Variants in OPRM1 observed in about 807,000 individuals in gnomAD.
OPRM1 encodes mu-type opioid receptor.
A neutral mutation model predicts 31.8 loss-of-function variants in OPRM1; 27 were observed. The ratio of observed to expected loss-of-function variants is 0.85; its 90% CI spans 0.63 to 1.17. OPRM1 has a LOEUF of 1.17. Among genes scored for constraint, OPRM1 ranks in the 50% most tolerant of loss-of-function variants. OPRM1 has a pLI of 0.00. For synonymous variants in OPRM1, 196 were observed against 189.9 expected, an observed-to-expected ratio of 1.03 and a Z score of -0.26; for missense variants, 536 against 511.1, an observed-to-expected ratio of 1.05 and a Z score of -0.47.
intron 3 of OPRM1, among the ~76,000 whole-genome samples, chr6:154,117,658 T>C (rs1175694309): frequency 1.3e-5 from 2 of 152,192 alleles, no homozygotes; most frequent in Non-Finnish European, 2.9e-5. Context: ...TAATTGCCTG[T>C]GTGACCAGCT....
intron 1 of OPRM1, among the ~76,000 whole-genome samples, chr6:154,018,437 CAAAAA>C (rs1407095482): frequency 6.7e-6 from 1 of 149,182 alleles, no homozygotes; most frequent in Non-Finnish European, 1.5e-5. Flanking sequence ...AACAAACAAA[CAAAAA>C]GAAGAAAATA....
chr6:154,141,509 T>A (rs1798209317), intron 3 of OPRM1, among the ~76,000 whole-genome samples: 1 of 152,200 alleles, frequency 6.6e-6, no homozygotes, highest in Non-Finnish European at 1.5e-5. Flanking sequence ...AGTTAATGTA[T>A]CAAGTTTATC....
chr6:154,073,757 C>A (rs1787276140), intron 1 of OPRM1: 1 of 152,406 alleles, frequency 6.6e-6, no homozygotes, highest in Admixed American at 6.5e-5. Context: ...AATCCCAGCA[C>A]TTTGGGAGGC....
At chr6:154,073,547 T>C (rs188225985) in intron 1 of OPRM1, 44 of 152,376 alleles carry the variant, frequency 2.9e-4, no homozygotes, top group African/African-American at 1.0e-3. Flanking sequence ...GTGAACAGTC[T>C]ACCAGGGAAT....
At chr6:154,038,258 G>A (rs1437238789), upstream of OPRM1, among the ~76,000 whole-genome samples, 1 of 151,946 alleles carries the variant, frequency 6.6e-6, no homozygotes, top group East Asian at 1.9e-4. Flanking sequence ...ATGGTTAAAA[G>A]ATATGTACAT....
intron 3 of OPRM1, among the ~76,000 whole-genome samples, chr6:154,095,682 A>G (rs1162499160): frequency 5.3e-5 from 8 of 152,278 alleles, no homozygotes; most frequent in Middle Eastern, 3.4e-3. Context: ...GTATGAAAAA[A>G]CAAAAAAGAT....
chr6:154,090,940 C>T lies in OPRM1; in HGVS notation c.644-12C>T, dbSNP rs895664882. 12 of 1,596,758 alleles carry T rather than the reference C, an allele frequency of 7.5e-6. No individual in the cohort carries two copies. In the African/African-American group the frequency reaches 1.4e-4, roughly 18 times the overall value. ...TTGCTGCTAATTTTTCCTTTAAATT[C>T]CTTTCTTCTAGGTTCCATAGATTGT... On this transcript the variant is annotated splice_polypyrimidine_tract_variant and intron_variant, in intron 2 of 3. Coordinates refer to ENST00000330432, the MANE Select transcript of OPRM1 (RefSeq NM_000914.5).
intron 3 of OPRM1, chr6:154,157,767 A>G (rs1219808310): frequency 6.6e-6 from 1 of 152,234 alleles, no homozygotes; most frequent in Non-Finnish European, 1.5e-5. Context: ...TTGTTCCTTC[A>G]ATACTCTTTA....
chr6:154,044,908 T>A (rs1780811168), intron 1 of OPRM1, among the ~76,000 whole-genome samples: 1 of 152,166 alleles, frequency 6.6e-6, no homozygotes, highest in African/African-American at 2.4e-5. Context: ...AGAAATAACA[T>A]ACAACTATAT....
At chr6:154,085,997 G>A (rs546042075) in intron 1 of OPRM1, among the ~76,000 whole-genome samples, 109 of 149,066 alleles carry the variant, frequency 7.3e-4, no homozygotes, top group African/African-American at 2.6e-3. Flanking sequence ...GCAGGTGCCT[G>A]CCACCACCCC....
chr6:154,227,694 G>A (rs1037654290), intron 3 of OPRM1, among the ~76,000 whole-genome samples: 7 of 152,024 alleles, frequency 4.6e-5, no homozygotes, highest in Non-Finnish European at 8.8e-5. Context: ...TCCAGCCTGG[G>A]TGACAGAGTT....
intron 3 of OPRM1, among the ~76,000 whole-genome samples, chr6:154,199,319 C>T (rs1776889294): frequency 1.3e-5 from 2 of 152,220 alleles, no homozygotes; most frequent in South Asian, 4.1e-4. Context: ...TACCAGACTA[C>T]AAAATCCTGA....
chr6:154,132,873 G>A (rs904066837), downstream of OPRM1, among the ~76,000 whole-genome samples: 8 of 152,154 alleles, frequency 5.3e-5, no homozygotes, highest in South Asian at 2.1e-4. Flanking sequence ...TGTAATCCCA[G>A]CACTTTGGGA....
intron 3 of OPRM1, among the ~76,000 whole-genome samples, chr6:154,109,767 CCTCTCT>C (rs60360261): frequency 0.017 from 2,172 of 127,440 alleles, 56 homozygotes; most frequent in African/African-American, 0.052. Context: ...ACTCTCTCTC[CCTCTCT>C]CTCTCTCTCT....
intron 3 of OPRM1, among the ~76,000 whole-genome samples, chr6:154,209,097 A>G (rs1166034339): frequency 6.6e-6 from 1 of 152,196 alleles, no homozygotes; most frequent in Non-Finnish European, 1.5e-5. Flanking sequence ...AACTGGTTTC[A>G]TTGTTTATCT....
intron 3 of OPRM1, among the ~76,000 whole-genome samples, chr6:154,237,280 C>T (rs1780210137): frequency 6.6e-6 from 1 of 152,238 alleles, no homozygotes; most frequent in Admixed American, 6.5e-5. Flanking sequence ...CATGTGTTAA[C>T]TGAACTCTTC....
rs1177809839 is a variant in OPRM1, at chr6:154,152,358, A to AAAG, written c.1164+60887_1164+60888insAGA. Among the ~76,000 whole-genome samples, 5 of 148,200 alleles carry AAAG rather than the reference A, an allele frequency of 3.4e-5. 1 individual carries two copies. The highest frequency in any genetic ancestry group is 1.3e-4 in the African/African-American group (5 of 38,698). Reference sequence around the variant, plus strand: ...AAGAAAGAAAGAAAGGAAAGAAAGAAAGAAAGAAAGAAAGAAAGAAAGAAA... The same window carrying AAAG: ...AAGAAAGAAAGAAAGGAAAGAAAGAAAAGAGAAAGAAAGAAAGAAAGAAAGAAA... On this transcript the variant is annotated intron_variant, in intron 3 of 3. Transcript: ENST00000337049.
rs58655710 is a variant in OPRM1 at position 154,099,348 on chromosome 6, C to CGAGA, written c.1164+7893_1164+7896dup. Among the ~76,000 whole-genome samples, 730 of 125,120 alleles carry CGAGA rather than the reference C, an allele frequency of 5.8e-3. 12 individuals carry two copies. The highest frequency in any genetic ancestry group is 0.028 in the South Asian group (106 of 3,734). The allele number at this position is 125,120 out of a possible 152,430, so 82.1% of individuals were successfully genotyped here. A position where few individuals can be genotyped will look rare whatever the true frequency, so the allele number is the denominator to read the frequency against. On this transcript the variant is annotated intron_variant, in intron 3 of 3. Transcript: ENST00000330432. ...GGAAGGAAGGGAGGGAGGAAGAGAG[C>CGAGA]GAGAGAGAGAGAGAGAGAGAAAGAA... is the stretch of plus-strand genomic sequence containing the variant.
chr6:154,187,995 C>A (rs1284218894), intron 3 of OPRM1, among the ~76,000 whole-genome samples: 1 of 152,184 alleles, frequency 6.6e-6, no homozygotes, highest in Non-Finnish European at 1.5e-5. Context: ...ATTGCCATTT[C>A]TATCAGCATT....
Sources: gnomAD v4.1 joint callset for allele counts (sites outside exome capture counted in the v4.1 genomes callset) on GRCh38, gnomAD v4.1.1 for gene constraint, MANE v1.5 for transcripts, NCBI Gene and HGNC (gene_info 2026-07-23, HGNC 2026-07-21) for gene names.